The following PIEZO2 variants were observed in gnomAD, a reference collection of about 807,000 sequenced individuals.
PIEZO2 encodes the protein piezo type mechanosensitive ion channel component 2.
A neutral mutation model predicts 337.3 loss-of-function variants in PIEZO2; 172 were observed. That is an observed-to-expected ratio of 0.51 (90% CI 0.45 to 0.58). PIEZO2 has a LOEUF of 0.58. Among genes scored for constraint, PIEZO2 ranks in the 20% least tolerant of loss-of-function variants. The pLI is 0.00. For synonymous variants in PIEZO2, 1,251 were observed against 1,228.5 expected (o/e 1.02, Z -0.38); for missense variants, 3,028 against 3,391.3 (o/e 0.89, Z 2.66).
chr18:10,936,478 C>A (rs2032405495), intron 3 of PIEZO2, among the ~76,000 whole-genome samples: 1 of 152,106 alleles, frequency 6.6e-6, no homozygotes, highest in Non-Finnish European at 1.5e-5. Flanking sequence ...TTGCAACAAC[C>A]AGCCTGTGGC....
In PIEZO2 at chr18:10,940,413, C is replaced by T. The variant is rs199960386; in HGVS notation, c.287-29185G>A. ...GCTACATGGATGCCAACAACATAAG[C>T]GAATCTTACCTGCAGAATATCCTAG... On this transcript the variant is annotated intron_variant, in intron 3 of 55. Transcript: ENST00000674853. This position sits in a 1 kb window ranked among gnomAD's most constrained non-coding sequence, Gnocchi z 5.3. 6.6e-6 allele frequency among the ~76,000 whole-genome samples: 1 copy of T among 152,138 alleles called. No individual in the cohort carries two copies. The highest frequency in any genetic ancestry group is 1.9e-4 in the East Asian group (1 of 5,194).
At chr18:10,692,883 C>G (rs530218100) in intron 47 of PIEZO2, among the ~76,000 whole-genome samples, 1 of 152,252 alleles carries the variant, frequency 6.6e-6, no homozygotes, top group Admixed American at 6.5e-5. Context: ...TGTCAGCTTA[C>G]CAAATTCTAC....
At chr18:11,142,894 T>C (rs1003274685) in intron 1 of PIEZO2, among the ~76,000 whole-genome samples, 1 of 151,310 alleles carries the variant, frequency 6.6e-6, no homozygotes, top group African/African-American at 2.4e-5. Flanking sequence ...CTGGCTAACA[T>C]GGTGAAACCC....
intron 4 of PIEZO2, among the ~76,000 whole-genome samples, chr18:10,905,818 A>T (rs957472598): frequency 6.6e-6 from 1 of 152,186 alleles, no homozygotes; most frequent in African/African-American, 2.4e-5. Context: ...CCTATTAAGA[A>T]GTCATTAATC....
At chr18:10,674,472 G>A (rs915553591) in intron 54 of PIEZO2, among the ~76,000 whole-genome samples, 2 of 152,194 alleles carry the variant, frequency 1.3e-5, no homozygotes, top group Admixed American at 1.3e-4. Context: ...CCATCCCCAG[G>A]GCCCTCCATT....
intron 3 of PIEZO2, among the ~76,000 whole-genome samples, chr18:10,970,164 A>C (rs2034175983): frequency 6.6e-6 from 1 of 152,210 alleles, no homozygotes; most frequent in Non-Finnish European, 1.5e-5. Context: ...GGGGGTATTA[A>C]CTCGGGTTAT....
At chr18:11,088,221 G>A (rs1243011785) in intron 1 of PIEZO2, among the ~76,000 whole-genome samples, 1 of 152,172 alleles carries the variant, frequency 6.6e-6, no homozygotes, top group Non-Finnish European at 1.5e-5. Context: ...AGGAGGTCCT[G>A]AAATGAATGC....
chr18:10,765,142 G>A lies in PIEZO2; in HGVS notation c.2947-2044C>T, dbSNP rs140622346. ...ATTCCCTGCCCGCAGGAGGCATGTGGGAGGGACAGATGGAGGCACACAGGC... is the reference window on the plus strand; with the variant it reads ...ATTCCCTGCCCGCAGGAGGCATGTGAGAGGGACAGATGGAGGCACACAGGC... On this transcript the variant is annotated intron_variant, in intron 21 of 55. Coordinates refer to ENST00000674853, the MANE Select transcript of PIEZO2 (RefSeq NM_001378183.1). Among the ~76,000 whole-genome samples the A allele has an allele frequency of 9.8e-5, 15 of 152,328 alleles. No homozygotes were observed. The East Asian group carries it at 2.7e-3, about 27-fold the overall frequency.
At chr18:10,922,852 T>C (rs9946317) in intron 3 of PIEZO2, among the ~76,000 whole-genome samples, 1,615 of 152,250 alleles carry the variant, frequency 0.011, 39 homozygotes, top group African/African-American at 0.037. Context: ...ACCAAAACTA[T>C]ACAAAATAAA....
chr18:10,675,211 G>T lies in PIEZO2; in HGVS notation c.8159C>A (p.Ser2720Tyr), dbSNP rs142103035. 1,257 of 1,532,710 alleles carry T rather than the reference G, an allele frequency of 8.2e-4. No individual in the cohort carries two copies. Among genetic ancestry groups the T allele is most frequent in the Non-Finnish European group, 9.9e-4 (1,115 of 1,128,550 alleles). 94.9% of individuals were successfully genotyped at this position (1,532,710 alleles called of 1,614,324 possible). Residue 2720 changes from serine (S) to tyrosine (Y), a missense_variant and splice_region_variant, in exon 54 of 56, where the codon TCT becomes TAT. Ser to Tyr is a moderately radical substitution (Grantham distance 144). This residue lies in a region of PIEZO2 where 332 missense variants were observed against 363.8 expected (regional missense o/e 0.91). Coordinates refer to ENST00000674853, the MANE Select transcript of PIEZO2 (RefSeq NM_001378183.1). ...AAACAAATTTTTCTCATTCTTACCA[G>T]ATAAAAGTTGCTTTATAGGTTTTGA... ...SNSKPIKQLL[S>Y]ENNFMDITII...
chr18:10,756,800 G>A (rs2037877179), intron 27 of PIEZO2, among the ~76,000 whole-genome samples: 1 of 149,734 alleles, frequency 6.7e-6, no homozygotes, highest in African/African-American at 2.5e-5. Context: ...GGGGGATGGA[G>A]AATGAGGAGG....
At chr18:10,711,057 T>C (rs934578351) in intron 39 of PIEZO2, among the ~76,000 whole-genome samples, 2 of 152,250 alleles carry the variant, frequency 1.3e-5, no homozygotes, top group African/African-American at 4.8e-5. Context: ...GGGGGATATT[T>C]TGACAGTCTT....
At chr18:10,747,988 C>CT (rs199704132) in intron 30 of PIEZO2, among the ~76,000 whole-genome samples, 1 of 151,932 alleles carries the variant, frequency 6.6e-6, no homozygotes, top group East Asian at 1.9e-4. Flanking sequence ...TCTCCCCAGT[C>CT]TTTTTTCCTA....
intron 7 of PIEZO2, among the ~76,000 whole-genome samples, chr18:10,832,765 C>T (rs913894131): frequency 2.0e-5 from 3 of 152,216 alleles, no homozygotes; most frequent in Admixed American, 6.5e-5. Context: ...TGCTTCTCCT[C>T]GTGGGCTCCT....
chr18:10,977,216 G>T (rs564978222), intron 3 of PIEZO2, among the ~76,000 whole-genome samples: 1 of 151,880 alleles, frequency 6.6e-6, no homozygotes, highest in Non-Finnish European at 1.5e-5. Flanking sequence ...TGAGTCAGAA[G>T]AGATCATAAA....
At chr18:10,930,292 A>T (rs2032001281) in intron 3 of PIEZO2, among the ~76,000 whole-genome samples, 1 of 152,184 alleles carries the variant, frequency 6.6e-6, no homozygotes, top group African/African-American at 2.4e-5. Flanking sequence ...CTACCTGGAG[A>T]CTTCATCTGG....
At chr18:10,679,230 G>A (rs1472394991) in intron 52 of PIEZO2, among the ~76,000 whole-genome samples, 3 of 152,082 alleles carry the variant, frequency 2.0e-5, no homozygotes, top group Admixed American at 6.5e-5. Context: ...CACCACAATC[G>A]GCCTGAAATT....
In PIEZO2 at chr18:10,677,374, C is replaced by T. The variant is rs554361181; in HGVS notation, c.8081+373G>A. 226 of 203,152 alleles carry T rather than the reference C, an allele frequency of 1.1e-3. 1 individual carries two copies. The highest frequency in any genetic ancestry group is 1.8e-3 in the Non-Finnish European group (182 of 101,014). 12.6% of individuals were successfully genotyped at this position (203,152 alleles called of 1,614,324 possible). On this transcript the variant is annotated intron_variant, in intron 53 of 55. Coordinates refer to ENST00000674853, the MANE Select transcript of PIEZO2 (RefSeq NM_001378183.1). The surrounding 1 kb of genome is among the most constrained non-coding windows in gnomAD (Gnocchi z 4.1). The stretch of plus-strand genomic sequence containing the variant: ...CTGGGAGTACAGATGTGCACCACCA[C>T]GCTTAGCTAATCTTTGTATTTTCAG...
intron 1 of PIEZO2, among the ~76,000 whole-genome samples, chr18:11,071,682 A>G (rs1375701820): frequency 1.3e-5 from 2 of 152,132 alleles, no homozygotes; most frequent in Non-Finnish European, 2.9e-5. Context: ...TGATGAGCTG[A>G]GTGAGCGATT....
Sources: gnomAD v4.1 joint callset for allele counts (sites outside exome capture counted in the v4.1 genomes callset) on GRCh38, gnomAD v4.1.1 for gene constraint, gnomAD v4.1.1 regional missense constraint, Gnocchi (gnomAD v3.1) non-coding constraint, MANE v1.5 for transcripts, NCBI Gene and HGNC (gene_info 2026-07-23, HGNC 2026-07-21) for gene names.